The following SPTBN4 variants were observed in gnomAD, a reference collection of about 807,000 sequenced individuals.
SPTBN4 encodes the protein spectrin beta, non-erythrocytic 4.
A neutral mutation model predicts 277.8 loss-of-function variants in SPTBN4; 96 were observed. The observed-to-expected ratio is 0.35, with a 90% confidence interval of 0.29 to 0.41. The LOEUF (loss-of-function observed/expected upper bound fraction) is 0.41. SPTBN4 is among the 10% of genes least tolerant of loss of function. The pLI is 1.00. For missense variants in SPTBN4, 3,006 were observed against 3,595.7 expected (o/e 0.84, Z 4.19); for synonymous variants, 1,481 against 1,580.3 (o/e 0.94, Z 1.49).
chr19:40,483,345 TAA>T (rs2080033699), intron 2 of SPTBN4, among the ~76,000 whole-genome samples: 1 of 152,024 alleles, frequency 6.6e-6, no homozygotes, highest in Non-Finnish European at 1.5e-5. Context: ...TTAAAATAAT[TAA>T]AAGAGTATAA....
In SPTBN4 at chr19:40,500,148, G is replaced by A. The variant is rs1431563279; in HGVS notation, c.785-1773G>A. On this transcript the variant is annotated intron_variant, in intron 7 of 35. Coordinates refer to ENST00000598249, the MANE Select transcript of SPTBN4 (RefSeq NM_020971.3). ...CACTTGAGCCCAGGAGTTCGAGGCT[G>A]CAGTGAGCTCTGATTACAACACTGC... is the stretch of plus-strand genomic sequence containing the variant. 4.0e-5 allele frequency among the ~76,000 whole-genome samples: 6 copies of A among 150,276 alleles called. No individual in the cohort carries two copies. The East Asian group carries it at 1.2e-3, about 29-fold the overall frequency.
At chr19:40,550,559 G>C (rs1460665834) in intron 22 of SPTBN4, among the ~76,000 whole-genome samples, 2 of 149,292 alleles carry the variant, frequency 1.3e-5, no homozygotes, top group Non-Finnish European at 3.0e-5. Context: ...CTGGAGTTTA[G>C]TGGCACAATC....
chr19:40,571,970 T>C, intron 33 of SPTBN4, 49 bp from the exon 34 acceptor site: 1 of 1,495,154 alleles, frequency 6.7e-7, no homozygotes, highest in South Asian at 1.4e-5. Flanking sequence ...TGAAGAGTTA[T>C]TAGGCAGAGT....
chr19:40,470,789 C>T (rs1206828295), intron 1 of SPTBN4, among the ~76,000 whole-genome samples: 1 of 151,308 alleles, frequency 6.6e-6, no homozygotes, highest in Non-Finnish European at 1.5e-5. Context: ...CCCGAAACCA[C>T]ACCCAGCTAA....
chr19:40,572,214 A>G (rs1568383538), intron 34 of SPTBN4, 22 bp downstream of exon 34: 9 of 1,594,814 alleles, frequency 5.6e-6, no homozygotes, highest in Non-Finnish European at 7.7e-6. Context: ...AATGGGCAGG[A>G]GGGAGGGATC....
chr19:40,535,794 GGGCA>G (rs2080728593), intron 20 of SPTBN4, among the ~76,000 whole-genome samples: 1 of 151,900 alleles, frequency 6.6e-6, no homozygotes, highest in African/African-American at 2.4e-5. Flanking sequence ...AAAATTAGCT[GGGCA>G]TGGTGGTGCA....
rs759834359 is a variant in SPTBN4, at chr19:40,513,561, G to A, written c.2765+7G>A. On this transcript the variant is annotated splice_region_variant and intron_variant, in intron 14 of 35. Coordinates refer to ENST00000598249, the MANE Select transcript of SPTBN4 (RefSeq NM_020971.3). ...TCGAGGTGGTGCAGCACCGGTGAGC[G>A]CGCACATGTGGGACTCCGGGGTCCC... The A allele has an allele frequency of 2.6e-6, 4 of 1,549,138 alleles. No homozygotes were observed. Among genetic ancestry groups the A allele is most frequent in the East Asian group, 2.4e-5 (1 of 41,764 alleles).
At chr19:40,547,700 T>C (rs1179909679) in intron 20 of SPTBN4, among the ~76,000 whole-genome samples, 1 of 152,228 alleles carries the variant, frequency 6.6e-6, no homozygotes, top group Non-Finnish European at 1.5e-5. Context: ...TGTTGTTTCC[T>C]GACTTTTTAA....
Position 40,519,852 on chromosome 19 carries a change from C to A in SPTBN4, c.3355C>A (p.Pro1119Thr). The A allele has an allele frequency of 1.4e-6, 2 of 1,457,042 alleles. No homozygotes were observed. The highest frequency in any genetic ancestry group is 1.4e-5 in the South Asian group (1 of 70,644). 90.3% of individuals were successfully genotyped at this position (1,457,042 alleles called of 1,614,324 possible). A position where few individuals can be genotyped will look rare whatever the true frequency, so the allele number is the denominator to read the frequency against. ...GGCGGGCGGCAGCGAGGGGCCCCTG[C>A]CCAACAGCCTAGAAGAGGCGGACGC... ...EAAGGSEGPL[P>T]NSLEEADALL... The change falls in exon 16 of 36, where the codon CCC becomes ACC. Residue 1119 changes from proline (P) to threonine (T), a missense_variant. By Grantham distance (38) the Pro-to-Thr change is conservative. Coordinates refer to ENST00000598249, the MANE Select transcript of SPTBN4 (RefSeq NM_020971.3). The surrounding 1 kb of genome is among the most constrained non-coding windows in gnomAD (Gnocchi z 5.7).
At chr19:40,476,468 A>G (rs4803342) in intron 2 of SPTBN4, among the ~76,000 whole-genome samples, 56,278 of 151,958 alleles carry the variant, frequency 0.37, 10,973 homozygotes, top group African/African-American at 0.45. Context: ...GAAAACATAC[A>G]CTCATGGAAA....
rs140855208 is a variant in SPTBN4, at chr19:40,538,978, G to A, written c.4359+4635G>A. ...GCCATGTTTGAGGCCAACCCACATG[G>A]AAGCCAGAGGACAGGAGGGCTGGTC... On this transcript the variant is annotated intron_variant, in intron 20 of 35. Transcript: ENST00000598249. 3.8e-3 allele frequency among the ~76,000 whole-genome samples: 585 copies of A among 152,316 alleles called. 3 individuals are homozygous for A. The highest frequency in any genetic ancestry group is 6.3e-3 in the Admixed American group (97 of 15,294).
At chr19:40,559,805 T>C (rs899078549) in intron 26 of SPTBN4, among the ~76,000 whole-genome samples, 2 of 150,614 alleles carry the variant, frequency 1.3e-5, no homozygotes, top group Non-Finnish European at 3.0e-5. Context: ...TAAACTGAGT[T>C]AAAAAAAAAT....
At position 40,555,920 on chromosome 19, in the gene SPTBN4, AAAAAAAG is replaced by A. The variant is rs1282717258; in HGVS notation, c.5085-152_5085-146del. On this transcript the variant is annotated intron_variant, in intron 24 of 35. Coordinates refer to ENST00000598249, the MANE Select transcript of SPTBN4 (RefSeq NM_020971.3). ...CAACAGAGCAAGACCCTGTCTCCAA[AAAAAAAG>A]AAAAAAGAAAAGAAAACAGAGCTCT... Among the ~76,000 whole-genome samples, 4 of 151,670 alleles carry A rather than the reference AAAAAAAG, an allele frequency of 2.6e-5. No homozygotes were observed. The South Asian group carries it at 6.2e-4, about 24-fold the overall frequency.
chr19:40,472,703 C>T lies in SPTBN4; in HGVS notation c.82C>T (p.Pro28Ser), dbSNP rs140771992. ...NNNPAARWES[P>S]DRGWEREQPA... is the part of the protein sequence containing the mutation. ...CAACCCTGCTGCCCGCTGGGAGAGT[C>T]CGGATCGGGGCTGGGAGCGGGAGCA... is the stretch of plus-strand genomic sequence containing the variant. The change falls in exon 2 of 36, where the codon CCG becomes TCG. Residue 28 changes from proline (P) to serine (S), a missense_variant. Around this residue, in one of 5 missense-constraint regions of SPTBN4, gnomAD observed 78 missense variants for 65.7 expected, o/e 1.19. Transcript: ENST00000598249. The T allele has an allele frequency of 1.2e-6, 2 of 1,613,068 alleles. No homozygotes were observed. Among genetic ancestry groups the T allele is most frequent in the Non-Finnish European group, 1.7e-6 (2 of 1,179,684 alleles).
chr19:40,561,685 A>G (rs1272221592), intron 27 of SPTBN4, among the ~76,000 whole-genome samples: 1 of 151,902 alleles, frequency 6.6e-6, no homozygotes, highest in African/African-American at 2.4e-5. Context: ...AGCCAGGCAT[A>G]GTGGTGGACA....
Position 40,513,115 on chromosome 19 carries a change from C to A in SPTBN4, c.2326C>A (p.His776Asn). Residue 776 changes from histidine to asparagine, a missense_variant, in exon 14 of 36, where the codon CAC becomes AAC. His to Asn is a moderately conservative substitution (Grantham distance 68). Around this residue, in one of 5 missense-constraint regions of SPTBN4, gnomAD observed 1,759 missense variants for 2,061.5 expected, o/e 0.85. Transcript: ENST00000598249. ...ERRLQEARAL[H>N]QFGADLDGLL... The stretch of plus-strand genomic sequence containing the variant: ...GCGGCTGCAGGAGGCGCGGGCGCTG[C>A]ACCAGTTCGGCGCTGACCTCGACGG... 6.8e-7 allele frequency: 1 copy of A among 1,464,644 alleles called. No homozygotes were observed. Among genetic ancestry groups the A allele is most frequent in the Non-Finnish European group, 9.0e-7 (1 of 1,116,758 alleles). The allele number at this position is 1,464,644 out of a possible 1,614,324, so 90.7% of individuals were successfully genotyped here.
At chr19:40,488,553 A>G (rs114418422) in intron 3 of SPTBN4, among the ~76,000 whole-genome samples, 3,629 of 152,136 alleles carry the variant, frequency 0.024, 153 homozygotes, top group African/African-American at 0.084. Context: ...CACTTTGGGG[A>G]GCCAAGGTGG....
intron 20 of SPTBN4, among the ~76,000 whole-genome samples, chr19:40,546,082 G>A (rs77224522): frequency 0.44 from 64,006 of 146,750 alleles, 14,907 homozygotes; most frequent in African/African-American, 0.48. Flanking sequence ...AAAATTAACC[G>A]GGCGTGGTGA....
In SPTBN4 at chr19:40,523,770, T is replaced by G. The variant is rs1410713434; in HGVS notation, c.3857+131T>G. The G allele has an allele frequency of 3.5e-6, 3 of 847,268 alleles. No individual in the cohort carries two copies. The African/African-American group carries it at 5.2e-5, about 15-fold the overall frequency. 52.5% of individuals were successfully genotyped at this position (847,268 alleles called of 1,614,324 possible). On this transcript the variant is annotated intron_variant, in intron 17 of 35. Transcript: ENST00000598249. ...TGCTTCTCTGGGGCTCTTTCCTATT[T>G]CTATTTAATTCCATGTTGTCTTAGA... is the stretch of plus-strand genomic sequence containing the variant.
Sources: gnomAD v4.1 joint callset for allele counts (sites outside exome capture counted in the v4.1 genomes callset) on GRCh38, gnomAD v4.1.1 for gene constraint, gnomAD v4.1.1 regional missense constraint, Gnocchi (gnomAD v3.1) non-coding constraint, MANE v1.5 for transcripts, NCBI Gene and HGNC (gene_info 2026-07-23, HGNC 2026-07-21) for gene names.